Variants in HHIP observed in about 807,000 individuals in gnomAD.
HHIP encodes hedgehog interacting protein, also known as hedgehog-interacting protein.
A neutral mutation model predicts 74.0 loss-of-function variants in HHIP; 12 were observed. That is an observed-to-expected ratio of 0.16 (90% CI 0.10 to 0.26). The LOEUF is 0.26. HHIP is among the 10% of genes least tolerant of loss of function. HHIP has a pLI of 1.00. For synonymous variants in HHIP, 309 were observed against 311.6 expected (o/e 0.99, Z 0.09); for missense variants, 788 against 845.0 (o/e 0.93, Z 0.84).
intron 4 of HHIP, among the ~76,000 whole-genome samples, chr4:144,681,807 G>A (rs948134682): frequency 1.3e-5 from 2 of 152,126 alleles, no homozygotes; most frequent in Non-Finnish European, 2.9e-5. Flanking sequence ...CACCTTTTGG[G>A]GGCAGAATTG....
chr4:144,699,198 G>T (rs1216003564), intron 4 of HHIP, among the ~76,000 whole-genome samples: 1 of 152,184 alleles, frequency 6.6e-6, no homozygotes, highest in Non-Finnish European at 1.5e-5. Context: ...TGCCGAGCAG[G>T]CTACAAATTT....
At chr4:144,681,340 T>C (rs931670471) in intron 4 of HHIP, among the ~76,000 whole-genome samples, 3 of 151,800 alleles carry the variant, frequency 2.0e-5, no homozygotes, top group Admixed American at 1.3e-4. Flanking sequence ...CAAATAAATA[T>C]GCACTAAACA....
At chr4:144,724,809 T>C (rs1325231006) in intron 11 of HHIP, among the ~76,000 whole-genome samples, 1 of 151,352 alleles carries the variant, frequency 6.6e-6, no homozygotes, top group Non-Finnish European at 1.5e-5. Flanking sequence ...GTAGTCTCTT[T>C]TAAGCTATCA....
chr4:144,712,953 G>GAAA (rs560590780), intron 8 of HHIP, among the ~76,000 whole-genome samples: 1 of 112,786 alleles, frequency 8.9e-6, no homozygotes, highest in Admixed American at 9.5e-5. Context: ...ATGTGATTTG[G>GAAA]AAAAAAAAAA....
At chr4:144,651,379 A>G (rs1578674120) in intron 1 of HHIP, among the ~76,000 whole-genome samples, 2 of 152,088 alleles carry the variant, frequency 1.3e-5, no homozygotes, top group East Asian at 3.9e-4. Flanking sequence ...CTTGTATTCA[A>G]TTTTTTTCGT....
At chr4:144,669,978 TAA>T (rs34093429) in intron 4 of HHIP, among the ~76,000 whole-genome samples, 1 of 135,642 alleles carries the variant, frequency 7.4e-6, no homozygotes, top group African/African-American at 2.7e-5. Flanking sequence ...CGTCTCTACT[TAA>T]AAAAAAAAAA....
chr4:144,718,833 T>TA (rs1274390775), intron 10 of HHIP, 42 bp from the exon 11 acceptor site: 7 of 1,177,108 alleles, frequency 5.9e-6, no homozygotes, highest in Non-Finnish European at 9.0e-6. Context: ...TAAGGACCTC[T>TA]ACTGCTATAA....
chr4:144,681,687 T>C, intron 4 of HHIP, among the ~76,000 whole-genome samples: 1 of 152,218 alleles, frequency 6.6e-6, no homozygotes, highest in East Asian at 1.9e-4. Flanking sequence ...CCTCCCAACG[T>C]GCTGGGATTA....
intron 4 of HHIP, among the ~76,000 whole-genome samples, chr4:144,663,362 T>C (rs1578682330): frequency 1.3e-5 from 2 of 152,114 alleles, no homozygotes; most frequent in South Asian, 4.1e-4. Context: ...CAGGCATCAA[T>C]ATGTTTTTAA....
chr4:144,708,179 G>A lies in HHIP; in HGVS notation c.1169G>A (p.Gly390Asp). The A allele has an allele frequency of 6.2e-7, 1 of 1,614,012 alleles. No individual in the cohort carries two copies. Among genetic ancestry groups the A allele is most frequent in the East Asian group, 2.2e-5 (1 of 44,872 alleles). The change falls in exon 7 of 13, where the codon GGC becomes GAC. Residue 390 changes from glycine to aspartate, a missense_variant. This residue lies in a region of HHIP where 72 missense variants were observed against 130.6 expected (regional missense o/e 0.55). Coordinates refer to ENST00000296575, the MANE Select transcript of HHIP (RefSeq NM_022475.3). ...CCCCAATTTCTCAGTGATTTCACAG[G>A]CTCAGTGCTACGGCTGGATGTGGAC... ...EEMDGLSDFT[G>D]SVLRLDVDTD...
intron 4 of HHIP, among the ~76,000 whole-genome samples, chr4:144,675,300 A>G (rs1253864373): frequency 2.0e-5 from 3 of 152,180 alleles, no homozygotes; most frequent in African/African-American, 7.2e-5. Flanking sequence ...AGATGAATGA[A>G]GATATTACAT....
At chr4:144,734,686 T>C in intron 11 of HHIP, 55 bp from the exon 12 acceptor site, 1 of 1,374,546 alleles carries the variant, frequency 7.3e-7, no homozygotes, top group Non-Finnish European at 9.9e-7. Flanking sequence ...CTAGATTTCA[T>C]TCCACTGTTG....
chr4:144,708,358 G>T (rs768428100), intron 7 of HHIP, 47 bp downstream of exon 7: 3 of 1,603,676 alleles, frequency 1.9e-6, no homozygotes, highest in African/African-American at 2.7e-5. Flanking sequence ...GCCAGGCGGG[G>T]ATCCGAGAAC....
chr4:144,706,546 G>C lies in HHIP; in HGVS notation c.847G>C (p.Gly283Arg), dbSNP rs759485872. The change falls in exon 5 of 13, where the codon GGA becomes CGA. Residue 283 changes from glycine (G) to arginine (R), a missense_variant. Gly to Arg is a moderately radical substitution (Grantham distance 125). Around this residue, in one of 3 missense-constraint regions of HHIP, gnomAD observed 373 missense variants for 366.4 expected, o/e 1.02. Coordinates refer to ENST00000296575, the MANE Select transcript of HHIP (RefSeq NM_022475.3). ...QSGIKGGDER[G>R]LLSLAFHPNY... is the part of the protein sequence containing the mutation. ...TTGACTGCAGGGAGGAGATGAAAGA[G>C]GACTGCTAAGCCTCGCATTCCATCC... The C allele has an allele frequency of 6.2e-7, 1 of 1,609,402 alleles. No homozygotes were observed. The highest frequency in any genetic ancestry group is 8.5e-7 in the Non-Finnish European group (1 of 1,178,176).
At chr4:144,653,530 T>G (rs1454190092) in intron 2 of HHIP, among the ~76,000 whole-genome samples, 1 of 152,180 alleles carries the variant, frequency 6.6e-6, no homozygotes, top group African/African-American at 2.4e-5. Context: ...ATCAAAAATT[T>G]GTAAATTTTG....
At chr4:144,670,274 C>A (rs6832061) in intron 4 of HHIP, among the ~76,000 whole-genome samples, 55,559 of 151,296 alleles carry the variant, frequency 0.37, 11,364 homozygotes, top group South Asian at 0.52. Context: ...CAGCCTGGCC[C>A]ACATAGTGAA....
rs1383206844 is a variant in HHIP, at chr4:144,712,904, G to GTGTT, written c.1423+836_1423+837insTTGT. Among the ~76,000 whole-genome samples, 3 of 148,710 alleles carry GTGTT rather than the reference G, an allele frequency of 2.0e-5. No individual in the cohort carries two copies. In the Admixed American group the frequency reaches 2.0e-4, roughly 10 times the overall value. Reference sequence around the variant, plus strand: ...TTTTCAGGTGTGTGTGTGTGTGTGTGTGTGCACGCGCATCTTTTAAAAGCC... The same window carrying GTGTT: ...TTTTCAGGTGTGTGTGTGTGTGTGTGTGTTTGTGCACGCGCATCTTTTAAAAGCC... On this transcript the variant is annotated intron_variant, in intron 8 of 12. Transcript: ENST00000296575.
chr4:144,668,700 C>A (rs575375615), intron 4 of HHIP, among the ~76,000 whole-genome samples: 1 of 151,878 alleles, frequency 6.6e-6, no homozygotes, highest in Non-Finnish European at 1.5e-5. Context: ...TGCAGTGAGC[C>A]GAGATCACGC....
chr4:144,669,705 T>C (rs759175802), intron 4 of HHIP, among the ~76,000 whole-genome samples: 3 of 152,178 alleles, frequency 2.0e-5, no homozygotes, highest in Non-Finnish European at 4.4e-5. Context: ...AATCTGATTA[T>C]AGAACTAAAT....
Sources: gnomAD v4.1 joint callset for allele counts (sites outside exome capture counted in the v4.1 genomes callset) on GRCh38, gnomAD v4.1.1 for gene constraint, gnomAD v4.1.1 regional missense constraint, MANE v1.5 for transcripts, NCBI Gene and HGNC (gene_info 2026-07-23, HGNC 2026-07-21) for gene names.